Variants in NINJ2 observed in about 807,000 individuals in gnomAD.
NINJ2 encodes ninjurin-2.
NINJ2 carries 12 observed loss-of-function variants against 11.7 expected under a neutral mutation model. The observed-to-expected ratio is 1.02, with a 90% CI of 0.66 to 1.66. The LOEUF (loss-of-function observed/expected upper bound fraction) is 1.66, where lower values mean the gene tolerates loss of function less well. Ranked by LOEUF, NINJ2 falls within the 40% of genes most tolerant of loss-of-function variation. NINJ2 has a pLI of 0.00. For missense variants in NINJ2, 187 were observed against 181.8 expected, an observed-to-expected ratio of 1.03 and a Z score of -0.16; for synonymous variants, 93 against 76.8, an observed-to-expected ratio of 1.21 and a Z score of -1.10.
At chr12:656,008 C>T (rs906561394) in intron 1 of NINJ2, among the ~76,000 whole-genome samples, 2 of 152,100 alleles carry the variant, frequency 1.3e-5, no homozygotes, top group African/African-American at 2.4e-5. Context: ...TAGATTCAAA[C>T]AATCCCAATC....
At chr12:571,510 A>C (rs77797953) in intron 1 of NINJ2, among the ~76,000 whole-genome samples, 2 of 152,154 alleles carry the variant, frequency 1.3e-5, no homozygotes, top group Non-Finnish European at 2.9e-5. Flanking sequence ...CGGCACAGTC[A>C]TTACCCTCCC....
rs772988704 is a variant in NINJ2, at chr12:663,320, G to A, written c.33+8C>T. The A allele has an allele frequency of 1.2e-6, 2 of 1,613,672 alleles. No homozygotes were observed. Among genetic ancestry groups the A allele is most frequent in the East Asian group, 4.5e-5 (2 of 44,888 alleles). ...TCTCCCCTCTGCTCTCTTCCAGAGA[G>A]AACTTACTTGAAGGTCGATGTTTTC... On this transcript the variant is annotated splice_region_variant and intron_variant, in intron 1 of 3. Coordinates refer to ENST00000305108, the MANE Select transcript of NINJ2 (RefSeq NM_016533.6).
chr12:595,694 G>A (rs527556645), intron 1 of NINJ2, among the ~76,000 whole-genome samples: 6 of 152,090 alleles, frequency 3.9e-5, no homozygotes, highest in South Asian at 2.1e-4. Flanking sequence ...CGGAGGTTGC[G>A]GTGAGCCAAG....
chr12:571,203 A>T (rs1947370754), intron 1 of NINJ2, among the ~76,000 whole-genome samples: 1 of 152,222 alleles, frequency 6.6e-6, no homozygotes, highest in Non-Finnish European at 1.5e-5. Context: ...CCAACCAATG[A>T]CACCTGGACA....
chr12:641,303 C>T (rs1948413790), intron 1 of NINJ2, among the ~76,000 whole-genome samples: 1 of 151,262 alleles, frequency 6.6e-6, no homozygotes. Flanking sequence ...TCCCTTCCCT[C>T]CCCCAACCCA....
intron 2 of NINJ2, 62 bp from the exon 3 acceptor site, chr12:565,463 C>A (rs73594223): frequency 6.6e-7 from 1 of 1,516,492 alleles, no homozygotes; most frequent in African/African-American, 1.4e-5. Context: ...GAGCTGCCCC[C>A]ACAACACCCA....
chr12:637,632 C>G (rs1190912605), intron 1 of NINJ2, among the ~76,000 whole-genome samples: 1 of 149,270 alleles, frequency 6.7e-6, no homozygotes, highest in Non-Finnish European at 1.5e-5. Flanking sequence ...CAGAGTGAGA[C>G]TCCATCTCAA....
chr12:587,030 T>C (rs7965891), intron 1 of NINJ2, among the ~76,000 whole-genome samples: 40,588 of 152,160 alleles, frequency 0.27, 5,742 homozygotes, highest in South Asian at 0.37. Flanking sequence ...TTCATACCAA[T>C]ATCTGGGATA....
intron 1 of NINJ2, among the ~76,000 whole-genome samples, chr12:603,038 T>A (rs999044572): frequency 3.3e-5 from 5 of 152,110 alleles, no homozygotes; most frequent in African/African-American, 1.2e-4. Context: ...GATCTCACTA[T>A]GTTGCCCAGG....
intron 1 of NINJ2, among the ~76,000 whole-genome samples, chr12:599,808 G>A (rs557508882): frequency 3.9e-5 from 6 of 152,242 alleles, no homozygotes; most frequent in Non-Finnish European, 5.9e-5. Flanking sequence ...ACCCCAGCAC[G>A]CCCGGGGGGC....
intron 1 of NINJ2, among the ~76,000 whole-genome samples, chr12:631,815 A>G (rs1592108160): frequency 2.0e-5 from 3 of 152,256 alleles, no homozygotes; most frequent in African/African-American, 2.4e-5. Flanking sequence ...ACAAAGCACA[A>G]AATGTTTCCA....
intron 1 of NINJ2, among the ~76,000 whole-genome samples, chr12:615,172 A>G (rs1351073160): frequency 6.6e-6 from 1 of 152,242 alleles, no homozygotes; most frequent in Non-Finnish European, 1.5e-5. Flanking sequence ...TGCACGCCCC[A>G]TTAGGAAGCT....
At chr12:643,684 G>A (rs1011935538) in intron 1 of NINJ2, 18 of 987,842 alleles carry the variant, frequency 1.8e-5, no homozygotes, top group Middle Eastern at 5.6e-4. Flanking sequence ...TTTGAGCCAC[G>A]CCTCACCGCA....
chr12:569,169 C>T (rs145713381), intron 1 of NINJ2, among the ~76,000 whole-genome samples: 14 of 152,310 alleles, frequency 9.2e-5, no homozygotes, highest in South Asian at 4.1e-4. Flanking sequence ...AGGCCACACA[C>T]GGCGTTCAGG....
chr12:607,665 C>T (rs1046703911), intron 1 of NINJ2, among the ~76,000 whole-genome samples: 10 of 152,184 alleles, frequency 6.6e-5, no homozygotes, highest in African/African-American at 2.4e-4. Context: ...TGGGGGAATG[C>T]TGAGCTAATG....
At chr12:616,599 A>C (rs1948094200) in intron 1 of NINJ2, among the ~76,000 whole-genome samples, 2 of 152,198 alleles carry the variant, frequency 1.3e-5, no homozygotes. Flanking sequence ...AACCCACCCC[A>C]TTCCCCCTCC....
At chr12:587,456 G>A (rs570472065) in intron 1 of NINJ2, among the ~76,000 whole-genome samples, 3 of 152,358 alleles carry the variant, frequency 2.0e-5, no homozygotes, top group African/African-American at 7.2e-5. Flanking sequence ...TTGCACAGCT[G>A]CCTAAGGACA....
chr12:600,773 C>T (rs557501708), intron 1 of NINJ2, among the ~76,000 whole-genome samples: 2 of 151,522 alleles, frequency 1.3e-5, no homozygotes, highest in East Asian at 3.9e-4. Context: ...CCTTGACCTC[C>T]CGAGCTCAGG....
At chr12:579,794 C>T (rs1947521339) in intron 1 of NINJ2, among the ~76,000 whole-genome samples, 1 of 152,194 alleles carries the variant, frequency 6.6e-6, no homozygotes, top group African/African-American at 2.4e-5. Context: ...TCCCAAAATC[C>T]TCTTTGGAAA....
Sources: gnomAD v4.1 joint callset for allele counts (sites outside exome capture counted in the v4.1 genomes callset) on GRCh38, gnomAD v4.1.1 for gene constraint, MANE v1.5 for transcripts, NCBI Gene and HGNC (gene_info 2026-07-23, HGNC 2026-07-21) for gene names.